Variants in CAVIN4 observed in about 807,000 individuals in gnomAD.
The protein encoded by CAVIN4 is caveolae-associated protein 4.
CAVIN4 carries 10 observed loss-of-function variants against 18.6 expected under a neutral mutation model. The ratio of observed to expected loss-of-function variants is 0.54; its 90% CI spans 0.33 to 0.91. The LOEUF (loss-of-function observed/expected upper bound fraction) is 0.91. Among genes scored for constraint, CAVIN4 ranks in the 40% least tolerant of loss-of-function variants. CAVIN4 has a pLI of 0.02. For missense variants in CAVIN4, 459 were observed against 440.5 expected (o/e 1.04, Z -0.38); for synonymous variants, 173 against 164.8 (o/e 1.05, Z -0.38).
Position 100,585,801 on chromosome 9 carries a change from A to G in CAVIN4, c.445A>G (p.Lys149Glu), listed in dbSNP as rs1294087951. The change falls in exon 2 of 2, where the codon AAA (lysine) becomes GAA (glutamate). Residue 149 changes from lysine to glutamate, a missense_variant. Coordinates refer to ENST00000307584, the MANE Select transcript of CAVIN4 (RefSeq NM_001018116.2). ...FRCPTSLSVVKDRNLTENQEE... is the reference protein window; with the variant it reads ...FRCPTSLSVVEDRNLTENQEE... ...GTGTCCGACATCCCTGTCTGTTGTTAAAGACAGAAACCTAACTGAGAACCA... is the reference window on the plus strand; with the variant it reads ...GTGTCCGACATCCCTGTCTGTTGTTGAAGACAGAAACCTAACTGAGAACCA... The G allele has an allele frequency of 6.2e-7, 1 of 1,614,120 alleles. No individual in the cohort carries two copies. Among genetic ancestry groups the G allele is most frequent in the South Asian group, 1.1e-5 (1 of 91,076 alleles).
At chr9:100,585,124 G>A (rs901239929) in intron 1 of CAVIN4, among the ~76,000 whole-genome samples, 3 of 152,192 alleles carry the variant, frequency 2.0e-5, no homozygotes, top group Non-Finnish European at 2.9e-5. Flanking sequence ...ATGTTCTGGA[G>A]GTAGAAGGAT....
chr9:100,576,917 C>T, upstream of CAVIN4: 1 of 189,170 alleles, frequency 5.3e-6, no homozygotes, highest in South Asian at 1.6e-4. Context: ...TCCACTTCTT[C>T]CACAATGACC....
chr9:100,578,007 A>G, upstream of CAVIN4: 2 of 763,338 alleles, frequency 2.6e-6, no homozygotes, highest in Admixed American at 2.3e-5. Flanking sequence ...ATTTGTAGTT[A>G]TAAATACTTG....
intron 1 of CAVIN4, among the ~76,000 whole-genome samples, chr9:100,584,457 A>G (rs902112696): frequency 6.6e-6 from 1 of 152,248 alleles, no homozygotes; most frequent in Non-Finnish European, 1.5e-5. Context: ...TATGCCTACT[A>G]TGTGCAAGAC....
At chr9:100,585,171 G>A (rs1030859803) in intron 1 of CAVIN4, among the ~76,000 whole-genome samples, 3 of 152,292 alleles carry the variant, frequency 2.0e-5, no homozygotes, top group Non-Finnish European at 4.4e-5. Context: ...GGACTGAGAC[G>A]ACAAGGGCCG....
Position 100,586,516 on chromosome 9 carries a change from G to A in CAVIN4, c.*65G>A. 1 of 1,309,244 alleles carries A rather than the reference G, an allele frequency of 7.6e-7. No individual in the cohort carries two copies. The highest frequency in any genetic ancestry group is 2.0e-4 in the Middle Eastern group (1 of 5,016). 81.1% of individuals were successfully genotyped at this position (1,309,244 alleles called of 1,614,324 possible). Reference sequence around the variant, plus strand: ...ATGCAGTTTTAGTTTGAATAGTGTAGTCGTCTACATTTCTGTGCCATGTAG... The same window carrying A: ...ATGCAGTTTTAGTTTGAATAGTGTAATCGTCTACATTTCTGTGCCATGTAG... On this transcript the variant is annotated 3_prime_UTR_variant, in exon 2 of 2. Coordinates refer to ENST00000307584, the MANE Select transcript of CAVIN4 (RefSeq NM_001018116.2).
rs528321352 is a variant in CAVIN4, at chr9:100,587,553, A to G, written c.*1102A>G. 6.6e-6 allele frequency: 1 copy of G among 152,294 alleles called. No individual in the cohort carries two copies. The highest frequency in any genetic ancestry group is 1.9e-4 in the East Asian group (1 of 5,178). The allele number at this position is 152,294 out of a possible 1,614,324, so 9.4% of individuals were successfully genotyped here. ...GATTCTCCTTATCTTTTAGCTTTAG[A>G]TCGTGGAATCCAGGAAGTAGAACAA... On this transcript the variant is annotated 3_prime_UTR_variant, in exon 2 of 2. Coordinates refer to ENST00000307584, the MANE Select transcript of CAVIN4 (RefSeq NM_001018116.2).
At chr9:100,581,987 G>A (rs748606083) in intron 1 of CAVIN4, among the ~76,000 whole-genome samples, 6 of 152,112 alleles carry the variant, frequency 3.9e-5, no homozygotes, top group Admixed American at 2.0e-4. Flanking sequence ...TTTTAAATAA[G>A]TATCCAAAGA....
rs891362162 is a variant in CAVIN4, at chr9:100,587,617, T to C, written c.*1166T>C. 8.5e-5 allele frequency: 13 copies of C among 152,156 alleles called. No individual in the cohort carries two copies. The highest frequency in any genetic ancestry group is 1.6e-4 in the Non-Finnish European group (11 of 68,046). The allele number at this position is 152,156 out of a possible 1,614,324, so 9.4% of individuals were successfully genotyped here. ...TAAAGAAAGAAAGAAATGGGCCGGGTGTGGTGGCTCACGGGGAGTAATCCC... is the reference window on the plus strand; with the variant it reads ...TAAAGAAAGAAAGAAATGGGCCGGGCGTGGTGGCTCACGGGGAGTAATCCC... On this transcript the variant is annotated 3_prime_UTR_variant, in exon 2 of 2. Transcript: ENST00000307584.
Position 100,585,945 on chromosome 9 carries a change from A to C in CAVIN4, c.589A>C (p.Asn197His). The C allele has an allele frequency of 2.5e-6, 4 of 1,614,182 alleles. No individual in the cohort carries two copies. The South Asian group carries it at 4.4e-5, about 18-fold the overall frequency. ...GAAGTCAGGCAAGGAGCACATTGATAATATCAAGAAGGCATTTTCCAAAGA... is the reference window on the plus strand; with the variant it reads ...GAAGTCAGGCAAGGAGCACATTGATCATATCAAGAAGGCATTTTCCAAAGA... ...LRKSGKEHID[N>H]IKKAFSKENM... is the part of the protein sequence containing the mutation. Residue 197 changes from asparagine to histidine, a missense_variant, in exon 2 of 2, where the codon AAT (asparagine) becomes CAT (histidine). Coordinates refer to ENST00000307584, the MANE Select transcript of CAVIN4 (RefSeq NM_001018116.2).
chr9:100,579,789 G>T (rs1195922909), intron 1 of CAVIN4, among the ~76,000 whole-genome samples: 1 of 152,124 alleles, frequency 6.6e-6, no homozygotes, highest in African/African-American at 2.4e-5. Context: ...AACACAGTTG[G>T]ATTATGTAGA....
Position 100,578,485 on chromosome 9 carries a change from T to TA in CAVIN4, c.348dup (p.Val117SerfsTer2). The TA allele has an allele frequency of 6.2e-7, 1 of 1,613,920 alleles. No homozygotes were observed. Among genetic ancestry groups the TA allele is most frequent in the Non-Finnish European group, 8.5e-7 (1 of 1,179,966 alleles). On this transcript the variant is annotated frameshift_variant, in exon 1 of 2. Transcript: ENST00000307584. LOFTEE classifies it high-confidence loss of function. Reference sequence around the variant, plus strand: ...GGGTGGAGAAGCAACAAATTCATGTTAAAAAAGTTGAAGTCAAGCAAGAGG... The same window carrying TA: ...GGGTGGAGAAGCAACAAATTCATGTTAAAAAAAGTTGAAGTCAAGCAAGAGG...
Position 100,586,063 on chromosome 9 carries a change from A to T in CAVIN4, c.707A>T (p.Gln236Leu). Reference protein sequence around the residue: ...VTPERRERLRQSGERLRQSGE... With the variant: ...VTPERRERLRLSGERLRQSGE... ...CCGGAGAGGAGAGAGAGGCTAAGGC[A>T]GTCAGGAGAGAGGCTGAGACAGTCA... Residue 236 changes from glutamine to leucine, a missense_variant, in exon 2 of 2, where the codon CAG (glutamine) becomes CTG (leucine). Coordinates refer to ENST00000307584, the MANE Select transcript of CAVIN4 (RefSeq NM_001018116.2). 1 of 1,602,996 alleles carries T rather than the reference A, an allele frequency of 6.2e-7. No individual in the cohort carries two copies.
In CAVIN4 at chr9:100,586,785, C is replaced by T. The variant is rs923031633; in HGVS notation, c.*334C>T. The T allele has an allele frequency of 1.6e-5, 3 of 185,950 alleles. No homozygotes were observed. Among genetic ancestry groups the T allele is most frequent in the African/African-American group, 4.8e-5 (2 of 42,090 alleles). The allele number at this position is 185,950 out of a possible 1,614,324, so 11.5% of individuals were successfully genotyped here. On this transcript the variant is annotated 3_prime_UTR_variant, in exon 2 of 2. Coordinates refer to ENST00000307584, the MANE Select transcript of CAVIN4 (RefSeq NM_001018116.2). ...TGGCCAGCCTCAAAGGGGAATAACT[C>T]ATGTGTGGGTTATATCGTCCAGATG...
intron 1 of CAVIN4, among the ~76,000 whole-genome samples, chr9:100,585,258 T>C (rs937535984): frequency 1.3e-5 from 2 of 152,122 alleles, no homozygotes; most frequent in East Asian, 3.9e-4. Context: ...TCAACAAAGC[T>C]TGGTGGCTGG....
intron 1 of CAVIN4, 88 bp downstream of exon 1, chr9:100,578,639 C>T: frequency 2.4e-6 from 3 of 1,244,166 alleles, no homozygotes; most frequent in Non-Finnish European, 3.5e-6. Context: ...TCCAGTGTCA[C>T]ATCTTAACTA....
intron 1 of CAVIN4, among the ~76,000 whole-genome samples, chr9:100,581,803 C>G (rs764859901): frequency 6.6e-6 from 1 of 152,082 alleles, no homozygotes; most frequent in Non-Finnish European, 1.5e-5. Context: ...TAATTATACC[C>G]TCTCAGGCCG....
In CAVIN4 at chr9:100,585,781, C is replaced by T. The variant is rs768645960; in HGVS notation, c.425C>T (p.Pro142Leu). ...VVIFQEKFRC[P>L]TSLSVVKDRN... ...CTCCTTCAGGAGAAGTTTCGGTGTC[C>T]GACATCCCTGTCTGTTGTTAAAGAC... The change falls in exon 2 of 2, where the codon CCG becomes CTG. Residue 142 changes from proline to leucine, a missense_variant. Physicochemically the swap from Pro to Leu is moderately conservative, Grantham distance 98. Transcript: ENST00000307584. 50 of 1,613,774 alleles carry T rather than the reference C, an allele frequency of 3.1e-5. No individual in the cohort carries two copies. The highest frequency in any genetic ancestry group is 3.3e-4 in the Middle Eastern group (2 of 6,082).
chr9:100,578,433 G>C lies in CAVIN4; in HGVS notation c.290G>C (p.Ser97Thr). 6.2e-7 allele frequency: 1 copy of C among 1,614,128 alleles called. No individual in the cohort carries two copies. The highest frequency in any genetic ancestry group is 8.5e-7 in the Non-Finnish European group (1 of 1,180,006). Reference protein sequence around the residue: ...NKLFEKTRKVSAHIKDVKARV... With the variant: ...NKLFEKTRKVTAHIKDVKARV... ...TTGTTTGAGAAAACCCGAAAAGTTA[G>C]TGCTCACATTAAAGATGTGAAAGCC... Residue 97 changes from serine (S) to threonine (T), a missense_variant, in exon 1 of 2, where the codon AGT becomes ACT. Transcript: ENST00000307584.
Sources: gnomAD v4.1 joint callset for allele counts (sites outside exome capture counted in the v4.1 genomes callset) on GRCh38, gnomAD v4.1.1 for gene constraint, MANE v1.5 for transcripts, NCBI Gene and HGNC (gene_info 2026-07-23, HGNC 2026-07-21) for gene names.